Variants in CCNG1 observed in about 807,000 individuals in gnomAD.
The protein encoded by CCNG1 is cyclin G1, also known as cyclin-G1.
Under a neutral mutation model 30.0 loss-of-function variants are expected in CCNG1, and 13 were observed. The observed-to-expected ratio is 0.43, with a 90% CI of 0.28 to 0.69. The LOEUF (loss-of-function observed/expected upper bound fraction) is 0.69, where lower values mean the gene tolerates loss of function less well. Ranked by LOEUF, CCNG1 falls within the 30% of genes least tolerant of loss-of-function variation. The probability of loss-of-function intolerance (pLI) is 0.16; values close to 1 mark genes in which losing one functional copy is unlikely to be tolerated. For synonymous variants in CCNG1, 110 were observed against 121.5 expected (o/e 0.91, Z 0.62); for missense variants, 285 against 331.4 (o/e 0.86, Z 1.09).
rs918530 is a variant in CCNG1 at position 163,442,062 on chromosome 5, G to A, written c.615G>A (p.Leu205=). Residue 205 remains leucine, a synonymous_variant, in exon 5 of 7, where the codon TTG becomes TTA. Coordinates refer to ENST00000340828, the MANE Select transcript of CCNG1 (RefSeq NM_004060.4). ...FSKAKPSVLA[L]SIIALEIQAQ... ...TCTTTTAGCCTTCTGTGTTGGCATT[G>A]TCTATCATTGCATTAGAGATCCAAG... The A allele has an allele frequency of 6.2e-7, 1 of 1,611,976 alleles. No individual in the cohort carries two copies. Among genetic ancestry groups the A allele is most frequent in the Non-Finnish European group, 8.5e-7 (1 of 1,178,570 alleles).
chr5:163,449,554 C>T (rs1183770039), downstream of CCNG1: 6 of 152,092 alleles, frequency 3.9e-5, no homozygotes, highest in African/African-American at 1.4e-4. Flanking sequence ...TTTGTAGATA[C>T]AGAGTAGCTA....
chr5:163,441,940 C>T lies in CCNG1; in HGVS notation c.573C>T (p.Cys191=), dbSNP rs2113366287. The T allele has an allele frequency of 1.2e-6, 2 of 1,608,730 alleles. No individual in the cohort carries two copies. The highest frequency in any genetic ancestry group is 2.2e-5 in the East Asian group (1 of 44,724). ...AAGCTCAACTGAAGGCATGTCATTGCAGGATCATATTTTCTAAAGCAAAGG... is the reference window on the plus strand; with the variant it reads ...AAGCTCAACTGAAGGCATGTCATTGTAGGATCATATTTTCTAAAGCAAAGG... ...RLEAQLKACH[C]RIIFSKAKPS... Residue 191 remains cysteine (C), a synonymous_variant, in exon 4 of 7, where the codon TGC becomes TGT. Transcript: ENST00000340828.
At position 163,437,706 on chromosome 5, in the gene CCNG1, T is replaced by C. The variant is rs1020862456; in HGVS notation, c.-99T>C. Reference sequence around the variant, plus strand: ...GGGCCTCTCTCCTCTTGCCTACGAGTCCCCTCTCCTCGTAGGCCTCTCGGA... The same window carrying C: ...GGGCCTCTCTCCTCTTGCCTACGAGCCCCCTCTCCTCGTAGGCCTCTCGGA... On this transcript the variant is annotated 5_prime_UTR_variant, in exon 1 of 7. Coordinates refer to ENST00000340828, the MANE Select transcript of CCNG1 (RefSeq NM_004060.4). 3 of 151,748 alleles carry C rather than the reference T, an allele frequency of 2.0e-5. No individual in the cohort carries two copies. The highest frequency in any genetic ancestry group is 2.1e-4 in the South Asian group (1 of 4,776). 9.4% of individuals were successfully genotyped at this position (151,748 alleles called of 1,614,324 possible).
chr5:163,442,229 A>G, intron 5 of CCNG1, 86 bp downstream of exon 5: 1 of 1,110,872 alleles, frequency 9.0e-7, no homozygotes, highest in Non-Finnish European at 1.3e-6. Flanking sequence ...ATGAGATGTC[A>G]TATGTTTATT....
downstream of CCNG1, among the ~76,000 whole-genome samples, chr5:163,445,716 C>T (rs1368979437): frequency 6.7e-6 from 1 of 148,520 alleles, no homozygotes; most frequent in African/African-American, 2.5e-5. Flanking sequence ...CCTCGTTCTC[C>T]CAAAGTGCTG....
the CCNG1 span, chr5:163,456,782 G>T: frequency 1.6e-6 from 1 of 612,546 alleles, no homozygotes; most frequent in Non-Finnish European, 2.6e-6. Flanking sequence ...ATACAAGAAA[G>T]GCCATTTTTC....
chr5:163,449,494 G>A (rs568028136), downstream of CCNG1: 1 of 152,356 alleles, frequency 6.6e-6, no homozygotes, highest in East Asian at 1.9e-4. Context: ...GATACCTCAT[G>A]TTCATGGATT....
chr5:163,442,853 CT>C (rs535525236), intron 6 of CCNG1, among the ~76,000 whole-genome samples: 2 of 151,938 alleles, frequency 1.3e-5, no homozygotes, highest in African/African-American at 2.4e-5. Flanking sequence ...TAAAATCATG[CT>C]TTTTTTTAAT....
In CCNG1 at chr5:163,441,360, C is replaced by T. The variant is rs750596472; in HGVS notation, c.518+29C>T. The T allele has an allele frequency of 4.4e-6, 7 of 1,598,502 alleles. No individual in the cohort carries two copies. In the South Asian group the frequency reaches 4.5e-5, roughly 10 times the overall value. ...AGTGACCTTTGTTTTGAACAAGAGA[C>T]ATTTGGAAATCAGAATGGTATTGTA... is the stretch of plus-strand genomic sequence containing the variant. On this transcript the variant is annotated intron_variant, in intron 3 of 6. Coordinates refer to ENST00000340828, the MANE Select transcript of CCNG1 (RefSeq NM_004060.4).
chr5:163,456,914 C>T, the CCNG1 span: 1 of 1,581,970 alleles, frequency 6.3e-7, no homozygotes, highest in Non-Finnish European at 8.6e-7. Context: ...TACTCATACA[C>T]TTCATCTGAC....
At chr5:163,445,322 CTT>C (rs915137462), downstream of CCNG1, among the ~76,000 whole-genome samples, 47 of 151,884 alleles carry the variant, frequency 3.1e-4, 1 homozygote, top group African/African-American at 8.9e-4. Context: ...TTAGCTGACA[CTT>C]TGTTTTGTTT....
Position 163,443,970 on chromosome 5 carries a change from ATTGGATC to A in CCNG1, c.*301_*307del, listed in dbSNP as rs1211419178. 7.2e-6 allele frequency: 3 copies of A among 417,482 alleles called. No individual in the cohort carries two copies. The highest frequency in any genetic ancestry group is 1.3e-5 in the Non-Finnish European group (3 of 234,104). 25.9% of individuals were successfully genotyped at this position (417,482 alleles called of 1,614,324 possible). A position where few individuals can be genotyped will look rare whatever the true frequency, so the allele number is the denominator to read the frequency against. On this transcript the variant is annotated 3_prime_UTR_variant, in exon 7 of 7. Coordinates refer to ENST00000340828, the MANE Select transcript of CCNG1 (RefSeq NM_004060.4). ...TTCTATCATTGATCTAACTTTAGAT[ATTGGATC>A]AATATATTTAGGTGGTATTGAAAAT...
In CCNG1 at chr5:163,441,117, T is replaced by C. The variant is rs1405569370; in HGVS notation, c.304T>C (p.Phe102Leu). ...KHLGCVGLSC[F>L]YLAVKSIEEE... ...CCTTGGGTGTGTTGGACTGAGCTGC[T>C]TTTATTTGGCTGTAAAATCAATAGA... Residue 102 changes from phenylalanine to leucine, a missense_variant, in exon 3 of 7, where the codon TTT becomes CTT. Coordinates refer to ENST00000340828, the MANE Select transcript of CCNG1 (RefSeq NM_004060.4). 3.1e-6 allele frequency: 5 copies of C among 1,613,916 alleles called. No individual in the cohort carries two copies. The highest frequency in any genetic ancestry group is 4.2e-6 in the Non-Finnish European group (5 of 1,179,904).
At chr5:163,454,127 A>G in the CCNG1 span, 2 of 670,952 alleles carry the variant, frequency 3.0e-6, no homozygotes, top group Non-Finnish European at 4.9e-6. Flanking sequence ...AATTGATAAA[A>G]AAGGATATAT....
chr5:163,450,013 A>G (rs959931061), downstream of CCNG1: 3 of 152,112 alleles, frequency 2.0e-5, no homozygotes, highest in Non-Finnish European at 4.4e-5. Flanking sequence ...CCAGCACTTC[A>G]GAGGCTGAGG....
chr5:163,440,916 T>C (rs1475211832), intron 2 of CCNG1, among the ~76,000 whole-genome samples, 162 bp from the exon 3 acceptor site: 1 of 152,178 alleles, frequency 6.6e-6, no homozygotes, highest in Admixed American at 6.5e-5. Flanking sequence ...TGACAGGCTA[T>C]AGTTTAGGTA....
chr5:163,445,620 A>ATTTTTTTTTTTTTTTTTTTTTTTT (rs56065634), downstream of CCNG1, among the ~76,000 whole-genome samples: 1 of 107,986 alleles, frequency 9.3e-6, no homozygotes, highest in Non-Finnish European at 1.8e-5. Flanking sequence ...CACCCAGCTA[A>ATTTTTTTTTTTTTTTTTTTTTTTT]TTTTTTTTTT....
rs960754561 is a variant in CCNG1 at position 163,443,974 on chromosome 5, G to A, written c.*304G>A. The A allele has an allele frequency of 7.4e-6, 3 of 404,516 alleles. No individual in the cohort carries two copies. Among genetic ancestry groups the A allele is most frequent in the Non-Finnish European group, 4.4e-6 (1 of 226,536 alleles). The allele number at this position is 404,516 out of a possible 1,614,324, so 25.1% of individuals were successfully genotyped here. On this transcript the variant is annotated 3_prime_UTR_variant, in exon 7 of 7. Transcript: ENST00000340828. ...ATCATTGATCTAACTTTAGATATTG[G>A]ATCAATATATTTAGGTGGTATTGAA...
At chr5:163,455,905 A>G in the CCNG1 span, among the ~76,000 whole-genome samples, 1 of 152,210 alleles carries the variant, frequency 6.6e-6, no homozygotes, top group Non-Finnish European at 1.5e-5. Flanking sequence ...CAAATTCTAA[A>G]TATATTTCGA....
Sources: gnomAD v4.1 joint callset for allele counts (sites outside exome capture counted in the v4.1 genomes callset) on GRCh38, gnomAD v4.1.1 for gene constraint, MANE v1.5 for transcripts, NCBI Gene and HGNC (gene_info 2026-07-23, HGNC 2026-07-21) for gene names.